The following PLAC1 variants were observed in gnomAD, a reference collection of about 807,000 sequenced individuals.
The protein encoded by PLAC1 is placenta associated 1.
For missense variants in PLAC1, 136 were observed against 163.2 expected, an observed-to-expected ratio of 0.83 and a Z score of 0.91; for synonymous variants, 68 against 62.1, an observed-to-expected ratio of 1.09 and a Z score of -0.44.
chrX:134,702,924 G>A (rs757505381), intron 2 of PLAC1, among the ~76,000 whole-genome samples: 2 of 111,911 alleles, frequency 1.8e-5, no homozygotes, highest in Non-Finnish European at 3.8e-5. Context: ...TAAATATTCT[G>A]TAAACAGATG....
chrX:134,664,721 G>A (rs1385046675), intron 2 of PLAC1, among the ~76,000 whole-genome samples: 1 of 111,843 alleles, frequency 8.9e-6, no homozygotes, highest in Admixed American at 9.5e-5. Context: ...CTGAGGGAAG[G>A]AGTGAAAGAG....
chrX:134,752,658 G>C (rs2078747495), intron 1 of PLAC1, among the ~76,000 whole-genome samples: 1 of 111,185 alleles, frequency 9.0e-6, no homozygotes, highest in South Asian at 3.8e-4. Context: ...CACAGTGCAG[G>C]CTGCTTGATT....
intron 2 of PLAC1, among the ~76,000 whole-genome samples, chrX:134,590,055 C>T (rs930823274): frequency 1.0e-4 from 11 of 109,250 alleles, no homozygotes; most frequent in Non-Finnish European, 1.5e-4. Flanking sequence ...ATTAGCCGGG[C>T]GTGGTGGTAC....
chrX:134,665,101 AGTGTGTTTGTGTGTGT>A (rs1372574275), intron 2 of PLAC1, among the ~76,000 whole-genome samples: 2 of 103,180 alleles, frequency 1.9e-5, no homozygotes, highest in Admixed American at 1.0e-4. Context: ...TGTGTATGTG[AGTGTGTTTGTGTGTGT>A]GTGTGTTTGT....
intron 1 of PLAC1, among the ~76,000 whole-genome samples, chrX:134,615,859 C>A (rs1022209894): frequency 2.7e-5 from 3 of 110,874 alleles, no homozygotes; most frequent in African/African-American, 9.9e-5. Context: ...CTTCTTGGCA[C>A]CCTTGTTAAA....
intron 2 of PLAC1, among the ~76,000 whole-genome samples, chrX:134,570,144 A>T (rs1011382868): frequency 9.0e-6 from 1 of 110,742 alleles, no homozygotes; most frequent in Non-Finnish European, 1.9e-5. Context: ...GGCAGGGGGG[A>T]TGGTTATAAG....
At chrX:134,724,143 T>A (rs1402712133) in intron 2 of PLAC1, among the ~76,000 whole-genome samples, 2 of 112,071 alleles carry the variant, frequency 1.8e-5, no homozygotes, top group Non-Finnish European at 3.8e-5. Flanking sequence ...CCAGGTGGGA[T>A]CCTAGATTGG....
chrX:134,574,090 T>TCACA (rs368393395), intron 2 of PLAC1, among the ~76,000 whole-genome samples: 91 of 104,343 alleles, frequency 8.7e-4, no homozygotes, highest in African/African-American at 3.1e-3. Context: ...TCTCTCTCTC[T>TCACA]CACACACACA....
intron 2 of PLAC1, among the ~76,000 whole-genome samples, chrX:134,686,478 T>C (rs1454131174): frequency 1.8e-5 from 2 of 111,899 alleles, no homozygotes; most frequent in Non-Finnish European, 3.8e-5. Flanking sequence ...AGCCATCTTG[T>C]TTGGTACGGG....
chrX:134,739,085 G>C (rs545647369), intron 1 of PLAC1, among the ~76,000 whole-genome samples: 24 of 111,906 alleles, frequency 2.1e-4, no homozygotes, highest in African/African-American at 7.8e-4. Flanking sequence ...GTTTCATATC[G>C]TGCTGTTAAA....
At chrX:134,757,820 T>C (rs1436604495) in intron 1 of PLAC1, among the ~76,000 whole-genome samples, 1 of 111,433 alleles carries the variant, frequency 9.0e-6, no homozygotes, top group Non-Finnish European at 1.9e-5. Context: ...GTGTTATATA[T>C]ATGTATACAC....
chrX:134,583,633 C>T (rs559529240), intron 2 of PLAC1, among the ~76,000 whole-genome samples: 4 of 110,227 alleles, frequency 3.6e-5, no homozygotes, highest in African/African-American at 9.9e-5. Context: ...AAAAACTGCA[C>T]GTACAGGGCC....
At chrX:134,672,453 T>C (rs1332130750) in intron 2 of PLAC1, among the ~76,000 whole-genome samples, 1 of 112,054 alleles carries the variant, frequency 8.9e-6, no homozygotes, top group Non-Finnish European at 1.9e-5. Context: ...CCCTTCTATT[T>C]TGACGTTAAG....
chrX:134,693,485 G>A (rs932657351), intron 2 of PLAC1, among the ~76,000 whole-genome samples: 5 of 112,120 alleles, frequency 4.5e-5, no homozygotes, highest in African/African-American at 1.6e-4. Flanking sequence ...ATCCTGCAAG[G>A]AAGATGCAAT....
chrX:134,761,504 G>C (rs755983511), intron 1 of PLAC1, among the ~76,000 whole-genome samples: 14 of 112,020 alleles, frequency 1.2e-4, no homozygotes, highest in African/African-American at 4.5e-4. Flanking sequence ...TCTTGATGGG[G>C]TGGTGGTATG....
chrX:134,663,869 T>C (rs1325824441), intron 2 of PLAC1, among the ~76,000 whole-genome samples: 3 of 111,893 alleles, frequency 2.7e-5, no homozygotes, highest in African/African-American at 9.8e-5. Context: ...TAGTACAAAT[T>C]AATAAATCTT....
intron 2 of PLAC1, among the ~76,000 whole-genome samples, chrX:134,695,572 G>C (rs927299944): frequency 1.8e-5 from 2 of 112,038 alleles, no homozygotes; most frequent in African/African-American, 6.5e-5. Flanking sequence ...ACTGATGCAG[G>C]TAGAATAAAG....
intron 2 of PLAC1, among the ~76,000 whole-genome samples, chrX:134,708,699 T>C (rs1301499249): frequency 9.1e-6 from 1 of 110,048 alleles, no homozygotes; most frequent in Non-Finnish European, 1.9e-5. Flanking sequence ...CCACCACGCC[T>C]GACTAATTTT....
At chrX:134,643,236 G>A (rs1053382808) in intron 1 of PLAC1, among the ~76,000 whole-genome samples, 6 of 111,340 alleles carry the variant, frequency 5.4e-5, no homozygotes, top group Non-Finnish European at 1.9e-5. Context: ...AAATCTGACT[G>A]TATCAACAAA....
Sources: gnomAD v4.1 joint callset for allele counts (sites outside exome capture counted in the v4.1 genomes callset) on GRCh38, gnomAD v4.1.1 for gene constraint, MANE v1.5 for transcripts, NCBI Gene and HGNC (gene_info 2026-07-23, HGNC 2026-07-21) for gene names.